The following IL1RAPL1 variants were observed in gnomAD, a reference collection of about 807,000 sequenced individuals.
IL1RAPL1 encodes interleukin-1 receptor accessory protein-like 1.
In IL1RAPL1, 3 loss-of-function variants were observed where a neutral mutation model predicts 48.4. The ratio of observed to expected loss-of-function variants is 0.06; its 90% CI spans 0.03 to 0.16. The LOEUF is 0.16. Ranked by LOEUF, IL1RAPL1 falls within the 10% of genes least tolerant of loss-of-function variation. The probability of loss-of-function intolerance (pLI) is 1.00; values close to 1 mark genes in which losing one functional copy is unlikely to be tolerated. For missense variants in IL1RAPL1, 349 were observed against 530.6 expected (o/e 0.66, Z 3.36); for synonymous variants, 185 against 187.7 (o/e 0.99, Z 0.12).
chrX:29,280,906 C>G (rs946567816), intron 2 of IL1RAPL1, among the ~76,000 whole-genome samples: 21 of 112,039 alleles, frequency 1.9e-4, no homozygotes, highest in Middle Eastern at 4.6e-3. Context: ...GAAAAATGTT[C>G]CAGGCAGAGG....
intron 6 of IL1RAPL1, among the ~76,000 whole-genome samples, chrX:29,769,440 T>TG (rs1928997873): frequency 1.1e-4 from 7 of 65,402 alleles, no homozygotes; most frequent in African/African-American, 4.3e-4. Context: ...TTTTTTTTTT[T>TG]TTTTTTTTTT....
rs1601977976 is a variant in IL1RAPL1, at chrX:28,958,764, A to G, written c.82+169339A>G. Among the ~76,000 whole-genome samples, 6 of 111,745 alleles carry G rather than the reference A, an allele frequency of 5.4e-5. 1 individual carries two copies. In the Admixed American group the frequency reaches 5.7e-4, roughly 11 times the overall value. Reference sequence around the variant, plus strand: ...AACAGGAGCAGATGGGGCTGAATGTAGTTTCTCCACTTCCGTAGAGTTTTA... The same window carrying G: ...AACAGGAGCAGATGGGGCTGAATGTGGTTTCTCCACTTCCGTAGAGTTTTA... On this transcript the variant is annotated intron_variant, in intron 2 of 10. Coordinates refer to ENST00000378993, the MANE Select transcript of IL1RAPL1 (RefSeq NM_014271.4).
At chrX:29,302,809 C>T (rs1932557985) in intron 3 of IL1RAPL1, among the ~76,000 whole-genome samples, 1 of 111,322 alleles carries the variant, frequency 9.0e-6, no homozygotes. Context: ...TTGGACTCCT[C>T]TAGAAACAAA....
chrX:29,347,896 G>A, intron 3 of IL1RAPL1, among the ~76,000 whole-genome samples: 1 of 111,596 alleles, frequency 9.0e-6, no homozygotes, highest in Non-Finnish European at 1.9e-5. Context: ...CTAATGGGCA[G>A]GTAGCATGTA....
intron 6 of IL1RAPL1, among the ~76,000 whole-genome samples, chrX:29,681,756 C>G (rs776225620): frequency 1.8e-5 from 2 of 111,921 alleles, no homozygotes; most frequent in South Asian, 7.4e-4. Context: ...ATGCAGTCAT[C>G]ATTCCTATGT....
chrX:29,663,676 TTTG>T (rs1200817570), intron 5 of IL1RAPL1, among the ~76,000 whole-genome samples: 2 of 112,235 alleles, frequency 1.8e-5, no homozygotes, highest in East Asian at 2.8e-4. Flanking sequence ...GTTGAATTGA[TTTG>T]TTAAGTATAG....
intron 6 of IL1RAPL1, among the ~76,000 whole-genome samples, chrX:29,883,541 A>G (rs1014890302): frequency 8.9e-6 from 1 of 112,401 alleles, no homozygotes; most frequent in Non-Finnish European, 1.9e-5. Flanking sequence ...GACGTAATTT[A>G]AGATTGCATT....
intron 6 of IL1RAPL1, among the ~76,000 whole-genome samples, chrX:29,689,181 C>G (rs1601780127): frequency 9.0e-6 from 1 of 111,685 alleles, no homozygotes; most frequent in Non-Finnish European, 1.9e-5. Context: ...CAAATAAAAT[C>G]TCGGAGATAA....
intron 5 of IL1RAPL1, among the ~76,000 whole-genome samples, chrX:29,554,893 C>G (rs977553116): frequency 7.1e-5 from 8 of 112,426 alleles, no homozygotes; most frequent in African/African-American, 2.6e-4. Flanking sequence ...TAACTATTTG[C>G]TAACCCTGTC....
intron 5 of IL1RAPL1, among the ~76,000 whole-genome samples, chrX:29,411,705 CTTTT>C (rs35526788): frequency 1.0e-5 from 1 of 95,985 alleles, no homozygotes; most frequent in African/African-American, 3.8e-5. Context: ...GAAACAACTA[CTTTT>C]TTTTTTTTTT....
chrX:29,518,150 CAAAG>C (rs1384347196), intron 5 of IL1RAPL1, among the ~76,000 whole-genome samples: 2 of 111,479 alleles, frequency 1.8e-5, no homozygotes, highest in African/African-American at 6.5e-5. Flanking sequence ...ATAAAACAGA[CAAAG>C]AGGCAAAAAT....
At chrX:29,730,272 G>A (rs1273015056) in intron 6 of IL1RAPL1, among the ~76,000 whole-genome samples, 1 of 112,066 alleles carries the variant, frequency 8.9e-6, no homozygotes, top group Non-Finnish European at 1.9e-5. Flanking sequence ...GCATTATTTA[G>A]CCTTCCTCAG....
intron 8 of IL1RAPL1, among the ~76,000 whole-genome samples, chrX:29,933,726 C>T (rs947968932): frequency 1.9e-5 from 2 of 104,816 alleles, no homozygotes; most frequent in Non-Finnish European, 3.9e-5. Context: ...CAGTGGAAGA[C>T]AAATAATAAA....
intron 5 of IL1RAPL1, among the ~76,000 whole-genome samples, chrX:29,620,143 T>G (rs1052493867): frequency 1.8e-5 from 2 of 111,788 alleles, no homozygotes; most frequent in Admixed American, 9.5e-5. Context: ...AGTGGTTACT[T>G]ATCATATCAA....
At chrX:29,070,713 A>C (rs1400866236) in intron 2 of IL1RAPL1, among the ~76,000 whole-genome samples, 1 of 111,411 alleles carries the variant, frequency 9.0e-6, no homozygotes, top group Non-Finnish European at 1.9e-5. Flanking sequence ...ATATGCAAAA[A>C]CCACAGAATT....
At chrX:29,768,555 G>A (rs1428203790) in intron 6 of IL1RAPL1, among the ~76,000 whole-genome samples, 2 of 111,795 alleles carry the variant, frequency 1.8e-5, no homozygotes, top group Non-Finnish European at 3.8e-5. Context: ...AAAACAACTG[G>A]TGAGTTTTTA....
intron 5 of IL1RAPL1, among the ~76,000 whole-genome samples, chrX:29,498,300 T>C (rs772941082): frequency 1.8e-5 from 2 of 111,521 alleles, no homozygotes; most frequent in Non-Finnish European, 3.8e-5. Context: ...CTTGGCCATG[T>C]GTGAAGGAGG....
At chrX:29,292,798 A>G (rs1333315389) in intron 3 of IL1RAPL1, among the ~76,000 whole-genome samples, 1 of 111,151 alleles carries the variant, frequency 9.0e-6, no homozygotes, top group Admixed American at 9.7e-5. Context: ...GCTATAATTT[A>G]TAGGTTATAA....
At chrX:29,097,771 C>G (rs1422288810) in intron 2 of IL1RAPL1, among the ~76,000 whole-genome samples, 2 of 112,037 alleles carry the variant, frequency 1.8e-5, no homozygotes, top group Admixed American at 9.5e-5. Context: ...TACACCACCT[C>G]TTATGTGCAA....
Sources: allele counts gnomAD v4.1 joint callset (sites outside exome capture counted in the v4.1 genomes callset), GRCh38; gene constraint gnomAD v4.1.1; transcripts MANE v1.5; gene names NCBI Gene and HGNC (gene_info 2026-07-23, HGNC 2026-07-21).